Variants in MSRB3 observed in about 807,000 individuals in gnomAD.
MSRB3 encodes the protein methionine sulfoxide reductase B3, also known as methionine-R-sulfoxide reductase B3.
A neutral mutation model predicts 21.0 loss-of-function variants in MSRB3; 13 were observed. The observed-to-expected ratio is 0.62, with a 90% confidence interval of 0.40 to 0.98. The LOEUF (loss-of-function observed/expected upper bound fraction) is 0.98, where lower values mean the gene tolerates loss of function less well. MSRB3 is among the 50% of genes least tolerant of loss of function. The pLI, the probability that MSRB3 is intolerant of heterozygous loss-of-function variation, is 0.00. For missense variants in MSRB3, 199 were observed against 230.3 expected (o/e 0.86, Z 0.88); for synonymous variants, 87 against 88.6 (o/e 0.98, Z 0.10).
chr12:65,327,232 T>C (rs1220686139), intron 3 of MSRB3, among the ~76,000 whole-genome samples: 2 of 152,254 alleles, frequency 1.3e-5, no homozygotes, highest in African/African-American at 2.4e-5. Context: ...AGGTACATTT[T>C]TTGGGAAGAC....
intron 4 of MSRB3, among the ~76,000 whole-genome samples, chr12:65,361,795 A>G (rs1381877312): frequency 6.6e-6 from 1 of 152,196 alleles, no homozygotes; most frequent in Admixed American, 6.6e-5. Context: ...ATGATTTGTC[A>G]TAATAGTTGT....
intron 5 of MSRB3, among the ~76,000 whole-genome samples, chr12:65,412,020 C>T (rs1325355704): frequency 6.6e-6 from 1 of 152,006 alleles, no homozygotes; most frequent in East Asian, 1.9e-4. Context: ...GTGGGAGAAC[C>T]TATTGAAGAA....
intron 5 of MSRB3, among the ~76,000 whole-genome samples, chr12:65,436,405 C>A (rs546927325): frequency 1.3e-5 from 2 of 151,456 alleles, no homozygotes; most frequent in Non-Finnish European, 3.0e-5. Flanking sequence ...TACTATATAA[C>A]GCATTTGTTT....
intron 1 of MSRB3, among the ~76,000 whole-genome samples, chr12:65,281,149 G>A (rs934517801): frequency 2.0e-5 from 3 of 152,158 alleles, no homozygotes; most frequent in African/African-American, 7.2e-5. Flanking sequence ...GGATTGCTTG[G>A]GCCAGGGAGA....
At chr12:65,443,728 A>C (rs1882490143) in intron 5 of MSRB3, among the ~76,000 whole-genome samples, 1 of 151,966 alleles carries the variant, frequency 6.6e-6, no homozygotes, top group South Asian at 2.1e-4. Context: ...TAGCATGTTA[A>C]CTGTTTTTCA....
intron 5 of MSRB3, among the ~76,000 whole-genome samples, chr12:65,389,081 G>T (rs1233954380): frequency 6.6e-6 from 1 of 151,994 alleles, no homozygotes; most frequent in East Asian, 1.9e-4. Flanking sequence ...CATTGTTATG[G>T]GTAAATTGAT....
At chr12:65,278,904 C>A in intron 1 of MSRB3, 39 bp downstream of exon 1, 2 of 1,542,520 alleles carry the variant, frequency 1.3e-6, no homozygotes, top group Non-Finnish European at 8.8e-7. Flanking sequence ...CCTCGCCTCA[C>A]CCCTCCCACC....
chr12:65,330,680 G>T (rs1875354701), intron 4 of MSRB3, among the ~76,000 whole-genome samples: 1 of 152,052 alleles, frequency 6.6e-6, no homozygotes, highest in African/African-American at 2.4e-5. Flanking sequence ...TTGCCCTGGG[G>T]TACAATCTCC....
At chr12:65,298,482 G>A (rs1873117489) in intron 1 of MSRB3, among the ~76,000 whole-genome samples, 1 of 152,178 alleles carries the variant, frequency 6.6e-6, no homozygotes. Context: ...ATAGGACAAA[G>A]TAGAAATTTT....
rs1303130201 is a variant in MSRB3 at position 65,464,920 on chromosome 12, A to G, written c.*1598A>G. The G allele has an allele frequency of 6.6e-6, 1 of 152,242 alleles. No homozygotes were observed. Among genetic ancestry groups the G allele is most frequent in the African/African-American group, 2.4e-5 (1 of 41,470 alleles). 9.4% of individuals were successfully genotyped at this position (152,242 alleles called of 1,614,324 possible). On this transcript the variant is annotated 3_prime_UTR_variant, in exon 7 of 7. Transcript: ENST00000308259. ...GTAGCCTCTCTGTGCCTATTTCTTC[A>G]TGCATAAACTGGGACTCATAATATT... is the stretch of plus-strand genomic sequence containing the variant.
At chr12:65,327,679 T>A (rs1875140133) in intron 3 of MSRB3, among the ~76,000 whole-genome samples, 1 of 152,212 alleles carries the variant, frequency 6.6e-6, no homozygotes, top group South Asian at 2.1e-4. Flanking sequence ...AACTTCTTGT[T>A]TTCATTCATG....
chr12:65,390,121 G>A (rs1879398779), intron 5 of MSRB3, among the ~76,000 whole-genome samples: 1 of 152,122 alleles, frequency 6.6e-6, no homozygotes, highest in South Asian at 2.1e-4. Flanking sequence ...CTAGTTCAAA[G>A]TAGTCATCTC....
At chr12:65,426,014 G>T (rs868514972) in intron 5 of MSRB3, among the ~76,000 whole-genome samples, 1 of 151,818 alleles carries the variant, frequency 6.6e-6, no homozygotes, top group Admixed American at 6.6e-5. Flanking sequence ...GTGCCACCAC[G>T]CCTGGCTAAT....
intron 4 of MSRB3, among the ~76,000 whole-genome samples, chr12:65,358,615 T>C (rs1877525757): frequency 6.6e-6 from 1 of 152,030 alleles, no homozygotes; most frequent in African/African-American, 2.4e-5. Context: ...GTTTATCTTG[T>C]ATATTTCCTG....
intron 5 of MSRB3, among the ~76,000 whole-genome samples, 175 bp downstream of exon 5, chr12:65,369,201 T>G (rs1486788342): frequency 1.3e-5 from 2 of 152,132 alleles, no homozygotes; most frequent in Admixed American, 6.5e-5. Flanking sequence ...TAATTTGAGG[T>G]GTTCACTTTG....
chr12:65,343,006 A>G (rs568241399), intron 4 of MSRB3, among the ~76,000 whole-genome samples: 18 of 152,116 alleles, frequency 1.2e-4, no homozygotes, highest in Non-Finnish European at 2.2e-4. Flanking sequence ...TTCTAAAATT[A>G]GCAAGTATTT....
chr12:65,403,204 A>T (rs1880227018), intron 5 of MSRB3, among the ~76,000 whole-genome samples: 1 of 152,232 alleles, frequency 6.6e-6, no homozygotes, highest in Non-Finnish European at 1.5e-5. Flanking sequence ...CTGTGCCCAC[A>T]GCAGCTCCTT....
At chr12:65,332,503 G>C (rs1424719753) in intron 4 of MSRB3, among the ~76,000 whole-genome samples, 1 of 152,106 alleles carries the variant, frequency 6.6e-6, no homozygotes, top group African/African-American at 2.4e-5. Context: ...GGGTGAGTGG[G>C]GAGGGAAAGC....
In MSRB3 at chr12:65,278,710, C is replaced by G. The variant is rs1195118016; in HGVS notation, c.-207C>G. On this transcript the variant is annotated 5_prime_UTR_variant, in exon 1 of 7. Coordinates refer to ENST00000308259, the MANE Select transcript of MSRB3 (RefSeq NM_001031679.3). ...GCCTCCCGCCGCCCCGTCCGTCGCC[C>G]GGAGCCGGGGAGGGAGGGAGCGAGG... 2 of 1,466,476 alleles carry G rather than the reference C, an allele frequency of 1.4e-6. No individual in the cohort carries two copies. Among genetic ancestry groups the G allele is most frequent in the Non-Finnish European group, 9.3e-7 (1 of 1,074,180 alleles). The allele number at this position is 1,466,476 out of a possible 1,614,324, so 90.8% of individuals were successfully genotyped here.
Sources: allele counts gnomAD v4.1 joint callset (sites outside exome capture counted in the v4.1 genomes callset), GRCh38; gene constraint gnomAD v4.1.1; transcripts MANE v1.5; gene names NCBI Gene and HGNC (gene_info 2026-07-23, HGNC 2026-07-21).